Variants in TVP23A observed in about 807,000 individuals in gnomAD.
TVP23A encodes the protein trans-golgi network vesicle protein 23 homolog A, also known as Golgi apparatus membrane protein TVP23 homolog A.
TVP23A carries 21 observed loss-of-function variants against 31.7 expected under a neutral mutation model. That is an observed-to-expected ratio of 0.66 (90% CI 0.47 to 0.95). The LOEUF (loss-of-function observed/expected upper bound fraction) is 0.95, where lower values mean the gene tolerates loss of function less well. Ranked by LOEUF, TVP23A falls within the 40% of genes least tolerant of loss-of-function variation. The pLI, the probability that TVP23A is intolerant of heterozygous loss-of-function variation, is 0.00. For synonymous variants in TVP23A, 104 were observed against 96.0 expected, an observed-to-expected ratio of 1.08 and a Z score of -0.49; for missense variants, 279 against 255.6, an observed-to-expected ratio of 1.09 and a Z score of -0.62.
chr16:10,769,916 T>C (rs1286064996), intron 7 of TVP23A, among the ~76,000 whole-genome samples: 1 of 152,164 alleles, frequency 6.6e-6, no homozygotes, highest in African/African-American at 2.4e-5. Context: ...TTCCCTCCAC[T>C]CTGGGGCATA....
chr16:10,809,110 A>G (rs2034076727), intron 2 of TVP23A, among the ~76,000 whole-genome samples: 1 of 152,236 alleles, frequency 6.6e-6, no homozygotes, highest in African/African-American at 2.4e-5. Flanking sequence ...CCACTTCTGA[A>G]GCCCACAAGG....
In TVP23A at chr16:10,768,956, C is replaced by T; in HGVS notation, c.*146G>A. 1 of 1,145,646 alleles carries T rather than the reference C, an allele frequency of 8.7e-7. No homozygotes were observed. The highest frequency in any genetic ancestry group is 2.4e-5 in the East Asian group (1 of 42,514). 71.0% of individuals were successfully genotyped at this position (1,145,646 alleles called of 1,614,324 possible). ...TGGAACTAGCCAGAGGATTCCACCC[C>T]TGTCAAAACACAGCCCTCCCCAGCA... On this transcript the variant is annotated 3_prime_UTR_variant, in exon 8 of 8. Transcript: ENST00000299866. The surrounding 1 kb of genome is among the most constrained non-coding windows in gnomAD (Gnocchi z 4.3).
chr16:10,791,098 C>A (rs1209638168), intron 2 of TVP23A, among the ~76,000 whole-genome samples: 1 of 152,104 alleles, frequency 6.6e-6, no homozygotes, highest in Non-Finnish European at 1.5e-5. Context: ...TAAAAAACTA[C>A]CATGCCAGAT....
chr16:10,784,578 A>C (rs1175891282), intron 2 of TVP23A, among the ~76,000 whole-genome samples: 1 of 151,850 alleles, frequency 6.6e-6, no homozygotes, highest in Non-Finnish European at 1.5e-5. Flanking sequence ...ATAAATAAAT[A>C]AAGAAGAAAG....
chr16:10,790,371 GC>G (rs2033036650), intron 2 of TVP23A, among the ~76,000 whole-genome samples: 1 of 136,140 alleles, frequency 7.3e-6, no homozygotes, highest in Admixed American at 8.9e-5. Flanking sequence ...TACAACCTCC[GC>G]CTTCCAGGTT....
At position 10,807,743 on chromosome 16, in the gene TVP23A, G is replaced by A. The variant is rs935101922; in HGVS notation, c.89+10360C>T. 3.9e-5 allele frequency among the ~76,000 whole-genome samples: 6 copies of A among 152,210 alleles called. No individual in the cohort carries two copies. In the South Asian group the frequency reaches 1.2e-3, roughly 32 times the overall value. On this transcript the variant is annotated intron_variant, in intron 2 of 7. Transcript: ENST00000299866. ...AGGAACATATAAAGTACTCCCCAGG[G>A]TAAGCCTAAGATGGAAGCCCTGAAT...
chr16:10,813,623 T>C (rs1424343089), intron 2 of TVP23A, among the ~76,000 whole-genome samples: 1 of 152,116 alleles, frequency 6.6e-6, no homozygotes, highest in Non-Finnish European at 1.5e-5. Context: ...TTGGATCCTT[T>C]TTCTAAAACA....
At chr16:10,782,646 G>C (rs1363327503) in intron 2 of TVP23A, among the ~76,000 whole-genome samples, 2 of 152,072 alleles carry the variant, frequency 1.3e-5, no homozygotes, top group Non-Finnish European at 2.9e-5. Context: ...GTGAATACAG[G>C]CAGACACCAC....
intron 2 of TVP23A, among the ~76,000 whole-genome samples, chr16:10,787,199 C>G (rs185386243): frequency 7.9e-5 from 12 of 152,106 alleles, no homozygotes; most frequent in East Asian, 1.9e-4. Flanking sequence ...AGTACTAAAC[C>G]CTTTTTGATA....
At position 10,776,662 on chromosome 16, in the gene TVP23A, T is replaced by C. The variant is rs542657206; in HGVS notation, c.90-1566A>G. On this transcript the variant is annotated intron_variant, in intron 2 of 7. Coordinates refer to ENST00000299866, the MANE Select transcript of TVP23A (RefSeq NM_001079512.4). The stretch of plus-strand genomic sequence containing the variant: ...CAAGAAAGAATTCAGGGCAAGTCCA[T>C]TGAGTAAAGTGAAAGCAAGTTTATT... Among the ~76,000 whole-genome samples, 19 of 152,218 alleles carry C rather than the reference T, an allele frequency of 1.2e-4. No homozygotes were observed. The East Asian group carries it at 2.7e-3, about 22-fold the overall frequency.
At chr16:10,815,388 G>C (rs1386912927) in intron 2 of TVP23A, among the ~76,000 whole-genome samples, 1 of 152,068 alleles carries the variant, frequency 6.6e-6, no homozygotes, top group African/African-American at 2.4e-5. Context: ...CTCCAGCGTG[G>C]GTGACAGTGA....
chr16:10,774,016 G>C (rs755623703), intron 4 of TVP23A, 23 bp downstream of exon 4: 1 of 1,586,072 alleles, frequency 6.3e-7, no homozygotes, highest in Non-Finnish European at 8.6e-7. Flanking sequence ...GCTCTGGTTA[G>C]TTCAGCTCGT....
Position 10,818,525 on chromosome 16 carries a change from C to G in TVP23A, c.-32G>C. 1 of 1,598,904 alleles carries G rather than the reference C, an allele frequency of 6.3e-7. No individual in the cohort carries two copies. Among genetic ancestry groups the G allele is most frequent in the South Asian group, 1.1e-5 (1 of 89,512 alleles). Reference sequence around the variant, plus strand: ...CCCAGGAGCCCACCTGGCGCCCAGGCCCGGGGCTCCAGCTCCGCCCGTCGC... The same window carrying G: ...CCCAGGAGCCCACCTGGCGCCCAGGGCCGGGGCTCCAGCTCCGCCCGTCGC... On this transcript the variant is annotated 5_prime_UTR_variant, in exon 1 of 8. Transcript: ENST00000299866. The surrounding 1 kb of genome is among the most constrained non-coding windows in gnomAD (Gnocchi z 4.7).
At chr16:10,805,291 C>CA (rs775453132) in intron 2 of TVP23A, among the ~76,000 whole-genome samples, 127 of 152,166 alleles carry the variant, frequency 8.3e-4, no homozygotes, top group African/African-American at 3.0e-3. Context: ...CTCAGCCTCC[C>CA]AAAGTGCTGG....
In TVP23A at chr16:10,779,878, C is replaced by T. The variant is rs1207675006; in HGVS notation, c.90-4782G>A. Among the ~76,000 whole-genome samples, 1 of 152,194 alleles carries T rather than the reference C, an allele frequency of 6.6e-6. No individual in the cohort carries two copies. Among genetic ancestry groups the T allele is most frequent in the Non-Finnish European group, 1.5e-5 (1 of 68,040 alleles). On this transcript the variant is annotated intron_variant, in intron 2 of 7. Coordinates refer to ENST00000299866, the MANE Select transcript of TVP23A (RefSeq NM_001079512.4). The surrounding 1 kb of genome is among the most constrained non-coding windows in gnomAD (Gnocchi z 4.9). ...CTGAGGCAGGCAGATCACTTGAGCT[C>T]AGGAGTTCGAGACCAGCCTGGCCAA...
chr16:10,784,633 C>A (rs1300140176), intron 2 of TVP23A, among the ~76,000 whole-genome samples: 2 of 151,150 alleles, frequency 1.3e-5, no homozygotes, highest in Non-Finnish European at 3.0e-5. Flanking sequence ...AAGAGTAAAC[C>A]CTGATATAAA....
At position 10,818,195 on chromosome 16, in the gene TVP23A, C is replaced by G; in HGVS notation, c.10-13G>C. On this transcript the variant is annotated splice_polypyrimidine_tract_variant and intron_variant, in intron 1 of 7. Transcript: ENST00000299866. This position sits in a 1 kb window ranked among gnomAD's most constrained non-coding sequence, Gnocchi z 4.7. Reference sequence around the variant, plus strand: ...CGTCCACCAGGGCCTGGGAGGAGAGCAAGGGCAGGTGGCAGGCCCAAGCAC... The same window carrying G: ...CGTCCACCAGGGCCTGGGAGGAGAGGAAGGGCAGGTGGCAGGCCCAAGCAC... The G allele has an allele frequency of 1.3e-6, 2 of 1,597,414 alleles. No individual in the cohort carries two copies. Among genetic ancestry groups the G allele is most frequent in the Non-Finnish European group, 1.7e-6 (2 of 1,172,012 alleles).
At chr16:10,759,324 T>A (rs1404401588), downstream of TVP23A, among the ~76,000 whole-genome samples, 3 of 152,158 alleles carry the variant, frequency 2.0e-5, no homozygotes, top group African/African-American at 4.8e-5. The surrounding 1 kb of genome is among the most constrained non-coding windows in gnomAD (Gnocchi z 4.7). Context: ...AAGATTCATG[T>A]CCACCCTGGC....
chr16:10,771,292 G>A (rs2031598307), intron 6 of TVP23A, among the ~76,000 whole-genome samples: 1 of 152,104 alleles, frequency 6.6e-6, no homozygotes. Context: ...TGTAATCCCA[G>A]CACTTTGGGA....
Sources: gnomAD v4.1 joint callset for allele counts (sites outside exome capture counted in the v4.1 genomes callset) on GRCh38, gnomAD v4.1.1 for gene constraint, Gnocchi (gnomAD v3.1) non-coding constraint, MANE v1.5 for transcripts, NCBI Gene and HGNC (gene_info 2026-07-23, HGNC 2026-07-21) for gene names.